PEBP4: variants seen among roughly 807,000 people sequenced by gnomAD.
The protein encoded by PEBP4 is phosphatidylethanolamine-binding protein 4.
Under a neutral mutation model 23.9 loss-of-function variants are expected in PEBP4, and 22 were observed. That is an observed-to-expected ratio of 0.92 (90% CI 0.66 to 1.31). PEBP4 has a LOEUF of 1.31. Ranked by LOEUF, PEBP4 falls within the 40% of genes most tolerant of loss-of-function variation. The pLI is 0.00. For synonymous variants in PEBP4, 112 were observed against 99.3 expected (o/e 1.13, Z -0.76); for missense variants, 324 against 281.7 (o/e 1.15, Z -1.07).
rs903640807 is a variant in PEBP4 at position 22,780,160 on chromosome 8, C to T, written c.357+37477G>A. Among the ~76,000 whole-genome samples the T allele has an allele frequency of 7.2e-5, 11 of 152,058 alleles. No homozygotes were observed. The East Asian group carries it at 1.2e-3, about 16-fold the overall frequency. ...TGTATTTTTTTGTAGAGATAGTGTT[C>T]ACCATGTTGCTCAGGCTGGTCTCAA... On this transcript the variant is annotated intron_variant, in intron 4 of 6. Coordinates refer to ENST00000256404, the MANE Select transcript of PEBP4 (RefSeq NM_144962.3).
intron 4 of PEBP4, among the ~76,000 whole-genome samples, chr8:22,815,443 G>A (rs370006368): frequency 6.6e-6 from 1 of 152,158 alleles, no homozygotes; most frequent in Non-Finnish European, 1.5e-5. Context: ...CCAACACAAA[G>A]GAAGTACTCT....
intron 4 of PEBP4, among the ~76,000 whole-genome samples, chr8:22,803,829 C>T (rs902796969): frequency 6.6e-6 from 1 of 152,160 alleles, no homozygotes; most frequent in African/African-American, 2.4e-5. Flanking sequence ...CAGGGGCCAT[C>T]CTCGCACCAT....
chr8:22,776,181 C>T (rs1000797385), intron 4 of PEBP4, among the ~76,000 whole-genome samples: 1 of 152,284 alleles, frequency 6.6e-6, no homozygotes, highest in Non-Finnish European at 1.5e-5. Context: ...AATGCTGACG[C>T]CAGCGCTCAC....
chr8:22,754,239 G>A (rs1354376694), intron 4 of PEBP4, among the ~76,000 whole-genome samples: 1 of 152,124 alleles, frequency 6.6e-6, no homozygotes, highest in Admixed American at 6.5e-5. Flanking sequence ...GGTGCTTCCA[G>A]TATCTTACAT....
At chr8:22,899,133 A>G (rs1409122232) in intron 3 of PEBP4, among the ~76,000 whole-genome samples, 1 of 152,180 alleles carries the variant, frequency 6.6e-6, no homozygotes, top group Admixed American at 6.5e-5. Context: ...AGCAGTTCCT[A>G]CCTCAAAGCA....
At chr8:22,839,547 A>G (rs1585300969) in intron 3 of PEBP4, among the ~76,000 whole-genome samples, 1 of 152,218 alleles carries the variant, frequency 6.6e-6, no homozygotes, top group Non-Finnish European at 1.5e-5. Context: ...TGAATGGGTT[A>G]CTACAACATA....
At chr8:22,927,921 C>T, upstream of PEBP4, 1 of 573,278 alleles carries the variant, frequency 1.7e-6, no homozygotes, top group Admixed American at 3.4e-5. Context: ...GACTGGGCCT[C>T]TTCCAAGTTG....
chr8:22,793,414 G>GCAC (rs1806180420), intron 4 of PEBP4, among the ~76,000 whole-genome samples: 1 of 149,004 alleles, frequency 6.7e-6, no homozygotes. Flanking sequence ...TTACAGGCAT[G>GCAC]CACCACCACG....
chr8:22,721,699 T>C (rs1804521768), intron 6 of PEBP4, among the ~76,000 whole-genome samples: 1 of 152,100 alleles, frequency 6.6e-6, no homozygotes, highest in Non-Finnish European at 1.5e-5. Flanking sequence ...TATACCACAC[T>C]GCCCCCCTCC....
intron 3 of PEBP4, chr8:22,886,937 C>T (rs866710952): frequency 8.5e-5 from 13 of 152,356 alleles, no homozygotes; most frequent in Admixed American, 3.9e-4. Context: ...TGGGGTGGGA[C>T]GCTGCTCAAG....
rs573434859 is a variant in PEBP4 at position 22,865,488 on chromosome 8, C to G, written c.259-47753G>C. ...CGAGGTGGAGCGCGCCACCGCCCCC[C>G]CGGCCGCGCAGCGAGAAGGAGCCTC... On this transcript the variant is annotated intron_variant, in intron 3 of 6. Transcript: ENST00000256404. This position sits in a 1 kb window ranked among gnomAD's most constrained non-coding sequence, Gnocchi z 6.9. 2.0e-5 allele frequency among the ~76,000 whole-genome samples: 3 copies of G among 151,354 alleles called. No individual in the cohort carries two copies. The highest frequency in any genetic ancestry group is 2.1e-4 in the South Asian group (1 of 4,822).
chr8:22,838,561 C>T (rs895846539), intron 3 of PEBP4, among the ~76,000 whole-genome samples: 2 of 152,234 alleles, frequency 1.3e-5, no homozygotes, highest in Non-Finnish European at 2.9e-5. Context: ...CGCTCCCTCC[C>T]AACAGCATCC....
intron 3 of PEBP4, chr8:22,887,097 T>C (rs1483396869): frequency 6.8e-6 from 1 of 146,968 alleles, no homozygotes; most frequent in African/African-American, 2.5e-5. Flanking sequence ...CTAGTGTGTG[T>C]GTGTGTGTGT....
In PEBP4 at chr8:22,728,563, C is replaced by CTTTCTTT. The variant is rs1554478841; in HGVS notation, c.358-1344_358-1343insAAAGAAA. Among the ~76,000 whole-genome samples the CTTTCTTT allele has an allele frequency of 3.9e-3, 271 of 69,262 alleles. 1 individual carries two copies. The highest frequency in any genetic ancestry group is 0.03 in the Middle Eastern group (3 of 100). 45.4% of individuals were successfully genotyped at this position (69,262 alleles called of 152,430 possible). On this transcript the variant is annotated intron_variant, in intron 4 of 6. Coordinates refer to ENST00000256404, the MANE Select transcript of PEBP4 (RefSeq NM_144962.3). The stretch of plus-strand genomic sequence containing the variant: ...TCCTTCCTTTCTTTCTTTCTTTCTT[C>CTTTCTTT]CTTCCTTCCTTCCTTCCTTCCTTCC...
chr8:22,901,087 A>C (rs1033522388), intron 3 of PEBP4, among the ~76,000 whole-genome samples: 1 of 152,250 alleles, frequency 6.6e-6, no homozygotes, highest in Non-Finnish European at 1.5e-5. Flanking sequence ...CTTGGTCCCC[A>C]TAGATATCAC....
At chr8:22,724,129 GA>G (rs532987240) in intron 6 of PEBP4, among the ~76,000 whole-genome samples, 10 of 152,344 alleles carry the variant, frequency 6.6e-5, no homozygotes, top group Non-Finnish European at 1.5e-4. Context: ...TTCTGCAAGA[GA>G]AATCTAAGGC....
At chr8:22,923,666 T>G (rs1202362983) in intron 2 of PEBP4, among the ~76,000 whole-genome samples, 3 of 152,124 alleles carry the variant, frequency 2.0e-5, no homozygotes, top group Non-Finnish European at 4.4e-5. Context: ...TGTTTGTGTC[T>G]CCTCAAAATT....
chr8:22,913,977 C>A (rs1050149876), intron 3 of PEBP4, among the ~76,000 whole-genome samples: 15 of 149,096 alleles, frequency 1.0e-4, no homozygotes, highest in Non-Finnish European at 4.4e-5. Context: ...AACTACCAGG[C>A]CTGGCTACTT....
At chr8:22,770,213 G>A (rs1481720490) in intron 4 of PEBP4, among the ~76,000 whole-genome samples, 1 of 152,180 alleles carries the variant, frequency 6.6e-6, no homozygotes, top group Non-Finnish European at 1.5e-5. Flanking sequence ...AGGAAGCTCT[G>A]GGACTGGGTC....
Sources: allele counts gnomAD v4.1 joint callset (sites outside exome capture counted in the v4.1 genomes callset), GRCh38; gene constraint gnomAD v4.1.1; non-coding constraint Gnocchi (gnomAD v3.1); transcripts MANE v1.5; gene names NCBI Gene and HGNC (gene_info 2026-07-23, HGNC 2026-07-21).